SCAP: variants seen among roughly 807,000 people sequenced by gnomAD.
The protein encoded by SCAP is sterol regulatory element-binding protein cleavage-activating protein.
A neutral mutation model predicts 123.6 loss-of-function variants in SCAP; 65 were observed. The observed-to-expected ratio is 0.53, with a 90% CI of 0.43 to 0.65. SCAP has a LOEUF of 0.65. SCAP is among the 30% of genes least tolerant of loss of function. The probability of loss-of-function intolerance (pLI) is 0.00; values close to 1 mark genes in which losing one functional copy is unlikely to be tolerated. For missense variants in SCAP, 1,398 were observed against 1,712.5 expected, an observed-to-expected ratio of 0.82 and a Z score of 3.24; for synonymous variants, 740 against 726.3, an observed-to-expected ratio of 1.02 and a Z score of -0.30.
intron 1 of SCAP, among the ~76,000 whole-genome samples, chr3:47,456,726 G>A (rs1368495458): frequency 6.6e-6 from 1 of 151,850 alleles, no homozygotes; most frequent in African/African-American, 2.4e-5. Flanking sequence ...GATCATCCGA[G>A]ATCGTGTGAG....
intron 9 of SCAP, chr3:47,422,851 CACA>C (rs1451439139): frequency 8.1e-6 from 2 of 245,526 alleles, no homozygotes; most frequent in African/African-American, 4.5e-5. Context: ...AAGTGCCACC[CACA>C]ACAACCACAT....
In SCAP at chr3:47,419,684, A is replaced by G; in HGVS notation, c.1584T>C (p.Ile528=). 2 of 1,523,052 alleles carry G rather than the reference A, an allele frequency of 1.3e-6. No homozygotes were observed. Among genetic ancestry groups the G allele is most frequent in the South Asian group, 2.6e-5 (2 of 76,308 alleles). The allele number at this position is 1,523,052 out of a possible 1,614,324, so 94.3% of individuals were successfully genotyped here. The part of the protein sequence containing the change: ...RLIMAGTVVW[I]GILVYTDPAG... ...CTGGGTCTGTGTATACCAGGATGCCAATCCAGACAACGGTGCCAGCCTGCA... is the reference window on the plus strand; with the variant it reads ...CTGGGTCTGTGTATACCAGGATGCCGATCCAGACAACGGTGCCAGCCTGCA... Residue 528 remains isoleucine (I), a synonymous_variant, in exon 13 of 23, where the codon ATT becomes ATC. Transcript: ENST00000265565. The surrounding 1 kb of genome is among the most constrained non-coding windows in gnomAD (Gnocchi z 5.0).
At chr3:47,444,615 A>T (rs1294250441) in intron 1 of SCAP, among the ~76,000 whole-genome samples, 2 of 152,008 alleles carry the variant, frequency 1.3e-5, no homozygotes, top group Non-Finnish European at 2.9e-5. Flanking sequence ...CTGGGATTAC[A>T]GGTGTGCACC....
chr3:47,417,249 C>G (rs775686586), intron 17 of SCAP, 42 bp from the exon 18 acceptor site: 1 of 1,612,530 alleles, frequency 6.2e-7, no homozygotes, highest in South Asian at 1.1e-5. Context: ...GCCAGAAAGG[C>G]CCACAATCCC....
Position 47,419,729 on chromosome 3 carries a change from G to C in SCAP, c.1564-25C>G. On this transcript the variant is annotated intron_variant, in intron 12 of 22. Coordinates refer to ENST00000265565, the MANE Select transcript of SCAP (RefSeq NM_012235.4). The surrounding 1 kb of genome is among the most constrained non-coding windows in gnomAD (Gnocchi z 5.0). Reference sequence around the variant, plus strand: ...CCTGCAGTGGGGCAGGGGGTACTCAGTGGGAGGAATGGGCCCCAACCCCCA... The same window carrying C: ...CCTGCAGTGGGGCAGGGGGTACTCACTGGGAGGAATGGGCCCCAACCCCCA... 4.6e-6 allele frequency: 7 copies of C among 1,511,150 alleles called. No homozygotes were observed. Among genetic ancestry groups the C allele is most frequent in the Non-Finnish European group, 6.2e-6 (7 of 1,130,500 alleles). The allele number at this position is 1,511,150 out of a possible 1,614,324, so 93.6% of individuals were successfully genotyped here. A position where few individuals can be genotyped will look rare whatever the true frequency, so the allele number is the denominator to read the frequency against.
intron 1 of SCAP, among the ~76,000 whole-genome samples, chr3:47,468,566 T>C (rs1707919026): frequency 6.6e-6 from 1 of 152,236 alleles, no homozygotes; most frequent in Admixed American, 6.5e-5. Context: ...GATAGGGTTG[T>C]TTGATTTTTT....
intron 1 of SCAP, among the ~76,000 whole-genome samples, chr3:47,474,035 G>A (rs956841356): frequency 6.6e-6 from 1 of 152,100 alleles, no homozygotes; most frequent in Non-Finnish European, 1.5e-5. Flanking sequence ...GGAGGCCGAA[G>A]CGGACGGATC....
chr3:47,419,216 GA>G lies in SCAP; in HGVS notation c.1940+111del. On this transcript the variant is annotated intron_variant, in intron 13 of 22. Coordinates refer to ENST00000265565, the MANE Select transcript of SCAP (RefSeq NM_012235.4). This position sits in a 1 kb window ranked among gnomAD's most constrained non-coding sequence, Gnocchi z 5.0. Reference sequence around the variant, plus strand: ...ACCAGTTCCCACCTCACAACCTTATGAACTGTTTTAATTATTTGCATAATTC... The same window carrying G: ...ACCAGTTCCCACCTCACAACCTTATGACTGTTTTAATTATTTGCATAATTC... The G allele has an allele frequency of 7.3e-7, 1 of 1,373,796 alleles. No individual in the cohort carries two copies. The highest frequency in any genetic ancestry group is 9.8e-7 in the Non-Finnish European group (1 of 1,016,504). 85.1% of individuals were successfully genotyped at this position (1,373,796 alleles called of 1,614,324 possible).
intron 1 of SCAP, among the ~76,000 whole-genome samples, chr3:47,451,033 T>C (rs1284962997): frequency 8.5e-6 from 1 of 117,540 alleles, no homozygotes; most frequent in Non-Finnish European, 1.8e-5. Context: ...AAAAATGTTG[T>C]GGGGAGACAG....
At chr3:47,423,306 G>A (rs1293308359) in intron 9 of SCAP, among the ~76,000 whole-genome samples, 1 of 152,234 alleles carries the variant, frequency 6.6e-6, no homozygotes, top group African/African-American at 2.4e-5. Flanking sequence ...TCTGGCAGCC[G>A]TGAAGGCAGC....
intron 8 of SCAP, 157 bp downstream of exon 8, chr3:47,425,328 C>A (rs1447819157): frequency 2.6e-6 from 2 of 784,192 alleles, no homozygotes; most frequent in African/African-American, 1.7e-5. Flanking sequence ...ACAAGCCAGA[C>A]AAAGAAGAGG....
chr3:47,455,591 C>A (rs555453643), intron 1 of SCAP, among the ~76,000 whole-genome samples: 19 of 132,462 alleles, frequency 1.4e-4, no homozygotes, highest in African/African-American at 5.1e-4. Context: ...CAAGACTCCA[C>A]CTCAAAAAAA....
intron 3 of SCAP, 143 bp downstream of exon 3, chr3:47,434,865 A>T: frequency 9.8e-7 from 1 of 1,025,276 alleles, no homozygotes; most frequent in Non-Finnish European, 1.5e-6. Flanking sequence ...CTAAGTATCT[A>T]TATGGTACAC....
intron 1 of SCAP, among the ~76,000 whole-genome samples, chr3:47,470,706 C>T (rs1707994226): frequency 6.6e-6 from 1 of 152,128 alleles, no homozygotes; most frequent in Non-Finnish European, 1.5e-5. Flanking sequence ...ACTAAAAGTA[C>T]AAAAACTAGC....
chr3:47,465,102 T>C (rs1707775362), intron 1 of SCAP, among the ~76,000 whole-genome samples: 1 of 151,742 alleles, frequency 6.6e-6, no homozygotes, highest in South Asian at 2.1e-4. Context: ...CTGAAACAAA[T>C]TAAAGACGTA....
chr3:47,438,783 C>T (rs1462838037), intron 2 of SCAP, among the ~76,000 whole-genome samples: 3 of 151,086 alleles, frequency 2.0e-5, no homozygotes, highest in Non-Finnish European at 2.9e-5. Context: ...CATGCCAGTG[C>T]ACTCTAGCCT....
chr3:47,434,566 G>A (rs762692726), intron 3 of SCAP, among the ~76,000 whole-genome samples: 8 of 152,148 alleles, frequency 5.3e-5, no homozygotes, highest in Non-Finnish European at 1.0e-4. Flanking sequence ...GGCCAGGTGC[G>A]GTGGCTCACG....
chr3:47,446,217 A>G (rs1707036956), intron 1 of SCAP, among the ~76,000 whole-genome samples: 1 of 144,426 alleles, frequency 6.9e-6, no homozygotes, highest in African/African-American at 2.6e-5. Flanking sequence ...TCTGTCGCCC[A>G]GGCTGGAGTG....
chr3:47,440,823 G>A (rs1706769201), intron 2 of SCAP, among the ~76,000 whole-genome samples: 1 of 152,042 alleles, frequency 6.6e-6, no homozygotes, highest in Admixed American at 6.6e-5. Flanking sequence ...TTGCACCACT[G>A]CACTCCAGCC....
Sources: allele counts gnomAD v4.1 joint callset (sites outside exome capture counted in the v4.1 genomes callset), GRCh38; gene constraint gnomAD v4.1.1; non-coding constraint Gnocchi (gnomAD v3.1); transcripts MANE v1.5; gene names NCBI Gene and HGNC (gene_info 2026-07-23, HGNC 2026-07-21).